PTPRM: variants seen among roughly 807,000 people sequenced by gnomAD.
PTPRM encodes protein tyrosine phosphatase receptor type M.
A neutral mutation model predicts 186.7 loss-of-function variants in PTPRM; 47 were observed. The observed-to-expected ratio is 0.25, with a 90% CI of 0.20 to 0.32. PTPRM has a LOEUF of 0.32. Among genes scored for constraint, PTPRM ranks in the 10% least tolerant of loss-of-function variants. PTPRM has a pLI of 1.00. For missense variants in PTPRM, 1,494 were observed against 1,865.0 expected, an observed-to-expected ratio of 0.80 and a Z score of 3.66; for synonymous variants, 668 against 674.9, an observed-to-expected ratio of 0.99 and a Z score of 0.16.
In PTPRM at chr18:7,567,944, C is replaced by G; in HGVS notation, c.73+53C>G. ...GAGGCGCGCGGGCCGGCGCGGGACG[C>G]CCGGGACGCCGACAGCTCCCTGGTG... is the stretch of plus-strand genomic sequence containing the variant. On this transcript the variant is annotated intron_variant, in intron 1 of 32. Coordinates refer to ENST00000580170, the MANE Select transcript of PTPRM (RefSeq NM_001105244.2). This position sits in a 1 kb window ranked among gnomAD's most constrained non-coding sequence, Gnocchi z 4.3. 6.7e-7 allele frequency: 1 copy of G among 1,496,208 alleles called. No homozygotes were observed. Among genetic ancestry groups the G allele is most frequent in the Non-Finnish European group, 8.9e-7 (1 of 1,128,924 alleles). The allele number at this position is 1,496,208 out of a possible 1,614,324, so 92.7% of individuals were successfully genotyped here. A position where few individuals can be genotyped will look rare whatever the true frequency, so the allele number is the denominator to read the frequency against.
At chr18:8,147,600 T>C (rs1040295637) in intron 14 of PTPRM, among the ~76,000 whole-genome samples, 1 of 152,200 alleles carries the variant, frequency 6.6e-6, no homozygotes. Context: ...AAAGAGATAA[T>C]TTGACTTCCT....
intron 11 of PTPRM, among the ~76,000 whole-genome samples, chr18:8,091,616 A>T (rs1328237672): frequency 3.3e-5 from 5 of 149,980 alleles, no homozygotes; most frequent in Non-Finnish European, 3.0e-5. Flanking sequence ...CAGAAAAGTG[A>T]ATGTTGTCTT....
intron 2 of PTPRM, among the ~76,000 whole-genome samples, chr18:7,835,602 A>G (rs963864039): frequency 1.3e-5 from 2 of 152,122 alleles, no homozygotes; most frequent in Non-Finnish European, 2.9e-5. Context: ...CATTTGGTCT[A>G]TGGTGCAGAA....
intron 14 of PTPRM, among the ~76,000 whole-genome samples, chr18:8,214,230 T>C (rs2094047773): frequency 6.6e-6 from 1 of 152,168 alleles, no homozygotes; most frequent in African/African-American, 2.4e-5. Context: ...AAAAACCACT[T>C]GTTCCCCTAA....
intron 14 of PTPRM, among the ~76,000 whole-genome samples, chr18:8,173,687 G>A (rs556538328): frequency 6.6e-6 from 1 of 152,224 alleles, no homozygotes; most frequent in Admixed American, 6.5e-5. Flanking sequence ...CAGAGAGTCT[G>A]CTTCTGGGTA....
At chr18:8,236,656 C>G (rs1487076867) in intron 14 of PTPRM, among the ~76,000 whole-genome samples, 5 of 152,116 alleles carry the variant, frequency 3.3e-5, no homozygotes, top group African/African-American at 1.2e-4. Flanking sequence ...ATCCTCCCAG[C>G]TCAGCCTCCC....
chr18:8,107,469 G>A (rs1466710913), intron 11 of PTPRM, among the ~76,000 whole-genome samples: 1 of 152,168 alleles, frequency 6.6e-6, no homozygotes, highest in Non-Finnish European at 1.5e-5. Flanking sequence ...CCTTTCATCT[G>A]TAATTAATAT....
At chr18:7,852,290 A>G (rs1166863445) in intron 2 of PTPRM, among the ~76,000 whole-genome samples, 1 of 152,210 alleles carries the variant, frequency 6.6e-6, no homozygotes, top group Admixed American at 6.5e-5. Flanking sequence ...ATAAAAGGTT[A>G]TATCAGCTGG....
chr18:7,930,661 T>A (rs1247876864), intron 5 of PTPRM, among the ~76,000 whole-genome samples: 1 of 152,196 alleles, frequency 6.6e-6, no homozygotes, highest in African/African-American at 2.4e-5. Context: ...TAGAAGAATT[T>A]GGGTGTGACC....
At chr18:7,664,243 G>T (rs1286759158) in intron 1 of PTPRM, among the ~76,000 whole-genome samples, 2 of 152,234 alleles carry the variant, frequency 1.3e-5, no homozygotes, top group East Asian at 3.9e-4. Context: ...CCAGGGTGGG[G>T]CCAGGGCGCC....
intron 2 of PTPRM, among the ~76,000 whole-genome samples, chr18:7,830,833 G>C (rs2045724331): frequency 6.6e-6 from 1 of 152,088 alleles, no homozygotes; most frequent in African/African-American, 2.4e-5. Context: ...CTCTGCACTT[G>C]TTATTTACCT....
chr18:8,146,245 A>G (rs2092882646), intron 14 of PTPRM, among the ~76,000 whole-genome samples: 2 of 152,084 alleles, frequency 1.3e-5, no homozygotes, highest in South Asian at 4.1e-4. Flanking sequence ...GCTGGTCTCA[A>G]ACTCCCAATC....
chr18:8,303,713 T>G (rs559957411), intron 20 of PTPRM, among the ~76,000 whole-genome samples: 1 of 152,242 alleles, frequency 6.6e-6, no homozygotes, highest in East Asian at 1.9e-4. Flanking sequence ...AAGACCCACA[T>G]GAAACCAACA....
At chr18:8,128,736 G>T (rs1012149317) in intron 13 of PTPRM, among the ~76,000 whole-genome samples, 3 of 152,052 alleles carry the variant, frequency 2.0e-5, no homozygotes, top group African/African-American at 7.2e-5. Context: ...TCAAGTATTT[G>T]ATTTCAGAAA....
At chr18:8,307,378 AC>A (rs1194099664) in intron 20 of PTPRM, among the ~76,000 whole-genome samples, 2 of 152,076 alleles carry the variant, frequency 1.3e-5, no homozygotes, top group Admixed American at 6.5e-5. Context: ...CTTGAGACTT[AC>A]CCCACGCTCA....
chr18:7,793,976 T>C (rs1306308138), intron 2 of PTPRM, among the ~76,000 whole-genome samples: 2 of 152,158 alleles, frequency 1.3e-5, no homozygotes, highest in Non-Finnish European at 2.9e-5. Flanking sequence ...CTGGCACGCC[T>C]TCGGCCTACG....
intron 11 of PTPRM, among the ~76,000 whole-genome samples, chr18:8,099,460 T>C (rs1317484547): frequency 6.6e-6 from 1 of 152,174 alleles, no homozygotes; most frequent in African/African-American, 2.4e-5. Context: ...TTGTTTCTCA[T>C]TTTTTTAAAC....
intron 14 of PTPRM, among the ~76,000 whole-genome samples, chr18:8,221,139 G>C (rs1298656550): frequency 6.6e-6 from 1 of 152,090 alleles, no homozygotes; most frequent in Non-Finnish European, 1.5e-5. Flanking sequence ...TATGATTGGA[G>C]GGATTTGTCA....
intron 1 of PTPRM, among the ~76,000 whole-genome samples, chr18:7,619,677 C>T (rs1430428789): frequency 6.6e-6 from 1 of 152,186 alleles, no homozygotes; most frequent in African/African-American, 2.4e-5. Flanking sequence ...TTAGTAAAGA[C>T]GTCCCGAATG....
Sources: gnomAD v4.1 joint callset for allele counts (sites outside exome capture counted in the v4.1 genomes callset) on GRCh38, gnomAD v4.1.1 for gene constraint, Gnocchi (gnomAD v3.1) non-coding constraint, MANE v1.5 for transcripts, NCBI Gene and HGNC (gene_info 2026-07-23, HGNC 2026-07-21) for gene names.